Variants in RYR2 observed in about 807,000 individuals in gnomAD.
RYR2 encodes the protein cardiac muscle ryanodine receptor-calcium release channel.
A neutral mutation model predicts 601.1 loss-of-function variants in RYR2; 227 were observed. The observed-to-expected ratio is 0.38, with a 90% CI of 0.34 to 0.42. The LOEUF (loss-of-function observed/expected upper bound fraction) is 0.42. RYR2 is among the 10% of genes least tolerant of loss of function. RYR2 has a pLI of 1.00. For synonymous variants in RYR2, 2,223 were observed against 2,175.1 expected, an observed-to-expected ratio of 1.02 and a Z score of -0.61; for missense variants, 4,646 against 6,156.5, an observed-to-expected ratio of 0.75 and a Z score of 8.21.
At chr1:237,251,184 G>A (rs537071611) in intron 1 of RYR2, among the ~76,000 whole-genome samples, 1 of 152,200 alleles carries the variant, frequency 6.6e-6, no homozygotes, top group African/African-American at 2.4e-5. Context: ...GACAGCCCCA[G>A]ATATTTACTT....
chr1:237,395,953 G>A (rs1702816978), intron 10 of RYR2, among the ~76,000 whole-genome samples: 1 of 152,172 alleles, frequency 6.6e-6, no homozygotes, highest in Admixed American at 6.5e-5. Context: ...TTCAGCCAGG[G>A]CTGTGCCATT....
chr1:237,702,444 G>C (rs1001420424), intron 66 of RYR2, among the ~76,000 whole-genome samples: 3 of 152,028 alleles, frequency 2.0e-5, no homozygotes, highest in Non-Finnish European at 4.4e-5. Context: ...GGATGGAGTG[G>C]TTTGCAGTGT....
chr1:237,783,572 A>G (rs1695301692), intron 89 of RYR2, 103 bp from the exon 90 acceptor site: 2 of 680,848 alleles, frequency 2.9e-6, no homozygotes, highest in Non-Finnish European at 5.0e-6. Flanking sequence ...AAACAGGGAC[A>G]TATCCTTGAT....
At chr1:237,654,928 T>C (rs1308557415) in intron 52 of RYR2, among the ~76,000 whole-genome samples, 1 of 152,242 alleles carries the variant, frequency 6.6e-6, no homozygotes, top group African/African-American at 2.4e-5. Flanking sequence ...TCATATGTTT[T>C]CAGATGACTG....
intron 1 of RYR2, among the ~76,000 whole-genome samples, chr1:237,073,885 G>A (rs1471388082): frequency 1.1e-4 from 10 of 94,836 alleles, no homozygotes; most frequent in Middle Eastern, 8.5e-3. Context: ...AAAAAAAAAA[G>A]CTTCAGTAGT....
chr1:237,305,861 G>A (rs2149470152), intron 2 of RYR2, among the ~76,000 whole-genome samples: 1 of 152,210 alleles, frequency 6.6e-6, no homozygotes, highest in African/African-American at 2.4e-5. Flanking sequence ...TCTTCAACCT[G>A]GTTGATGGAC....
At chr1:237,368,230 A>G (rs759871343) in intron 5 of RYR2, among the ~76,000 whole-genome samples, 5 of 152,062 alleles carry the variant, frequency 3.3e-5, no homozygotes. Context: ...CCATTCTTAT[A>G]AAAACTTTAT....
intron 1 of RYR2, among the ~76,000 whole-genome samples, chr1:237,246,072 A>G (rs961940964): frequency 2.7e-5 from 4 of 146,282 alleles, no homozygotes; most frequent in East Asian, 4.2e-4. Context: ...GAGCCACCAC[A>G]CCTGGCTGAT....
intron 23 of RYR2, among the ~76,000 whole-genome samples, chr1:237,507,265 A>G (rs907690935): frequency 1.3e-5 from 2 of 152,246 alleles, no homozygotes; most frequent in African/African-American, 2.4e-5. Context: ...AAGTGTTCCT[A>G]GTTGGTTTCA....
At position 237,709,498 on chromosome 1, in the gene RYR2, G is replaced by T; in HGVS notation, c.10161G>T (p.Glu3387Asp). Residue 3387 changes from glutamate to aspartate, a missense_variant, in exon 70 of 105, where the codon GAG (glutamate) becomes GAT (aspartate). Physicochemically the swap from Glu to Asp is conservative, Grantham distance 45. This residue lies in a region of RYR2 where 1,497 missense variants were observed against 1,842.6 expected (regional missense o/e 0.81). Transcript: ENST00000366574. Reference sequence around the variant, plus strand: ...GATCCAGGGCAAAGTGGCTAAAGGAGCCTAACCCAGAAGCAGAGGAGCTCT... The same window carrying T: ...GATCCAGGGCAAAGTGGCTAAAGGATCCTAACCCAGAAGCAGAGGAGCTCT... ...VDYNRAKWLK[E>D]PNPEAEELFR... is the part of the protein sequence containing the mutation. The T allele has an allele frequency of 6.2e-7, 1 of 1,611,378 alleles. No individual in the cohort carries two copies. The highest frequency in any genetic ancestry group is 8.5e-7 in the Non-Finnish European group (1 of 1,178,302).
At chr1:237,115,865 G>A (rs1196594860) in intron 1 of RYR2, among the ~76,000 whole-genome samples, 2 of 151,970 alleles carry the variant, frequency 1.3e-5, no homozygotes, top group African/African-American at 2.4e-5. Flanking sequence ...AAATGATAGT[G>A]ATGTTAACAA....
At chr1:237,749,339 A>G (rs145487429) in intron 80 of RYR2, among the ~76,000 whole-genome samples, 131 of 152,304 alleles carry the variant, frequency 8.6e-4, no homozygotes, top group Non-Finnish European at 1.6e-3. Flanking sequence ...TAATTATAGT[A>G]TCTACTTCAC....
At chr1:237,785,864 G>A (rs921030721) in intron 90 of RYR2, 105 bp from the exon 91 acceptor site, 5 of 797,162 alleles carry the variant, frequency 6.3e-6, no homozygotes, top group African/African-American at 1.7e-5. Flanking sequence ...AAGCAAGAGG[G>A]TATCTTATAT....
chr1:237,275,261 C>T (rs1690152326), intron 2 of RYR2, among the ~76,000 whole-genome samples: 1 of 151,690 alleles, frequency 6.6e-6, no homozygotes, highest in Non-Finnish European at 1.5e-5. Context: ...ATTATATAAA[C>T]AATTATAAGT....
intron 2 of RYR2, among the ~76,000 whole-genome samples, chr1:237,293,323 C>T (rs1326143981): frequency 6.6e-6 from 1 of 152,202 alleles, no homozygotes; most frequent in Non-Finnish European, 1.5e-5. Context: ...TCTCATGTCT[C>T]AGCCTCTCAA....
intron 1 of RYR2, among the ~76,000 whole-genome samples, chr1:237,148,521 A>ATATATAT (rs1417305977): frequency 5.0e-4 from 22 of 44,008 alleles, no homozygotes; most frequent in Middle Eastern, 0.011. Flanking sequence ...CAAGTAAAAA[A>ATATATAT]AAAAAAATAT....
At chr1:237,649,638 G>A (rs1682523743) in intron 49 of RYR2, among the ~76,000 whole-genome samples, 1 of 152,152 alleles carries the variant, frequency 6.6e-6, no homozygotes, top group Admixed American at 6.5e-5. Context: ...TAAGCTTTTT[G>A]AGGAGATAGG....
chr1:237,138,405 T>C (rs1673035880), intron 1 of RYR2, among the ~76,000 whole-genome samples: 4 of 152,214 alleles, frequency 2.6e-5, no homozygotes, highest in Admixed American at 2.6e-4. Flanking sequence ...CATTTAGTTC[T>C]GCTAGAAAGA....
intron 59 of RYR2, among the ~76,000 whole-genome samples, 197 bp downstream of exon 59, chr1:237,674,416 C>T (rs753372661): frequency 7.9e-5 from 12 of 152,042 alleles, no homozygotes; most frequent in African/African-American, 1.2e-4. Flanking sequence ...CCTTTTGCTA[C>T]ATATATTAAA....
Sources: gnomAD v4.1 joint callset for allele counts (sites outside exome capture counted in the v4.1 genomes callset) on GRCh38, gnomAD v4.1.1 for gene constraint, gnomAD v4.1.1 regional missense constraint, MANE v1.5 for transcripts, NCBI Gene and HGNC (gene_info 2026-07-23, HGNC 2026-07-21) for gene names.